The following ATP6V0B variants were observed in gnomAD, a reference collection of about 807,000 sequenced individuals.
ATP6V0B encodes V-type proton ATPase 21 kDa proteolipid subunit c''.
ATP6V0B carries 4 observed loss-of-function variants against 26.2 expected under a neutral mutation model. The ratio of observed to expected loss-of-function variants is 0.15; its 90% CI spans 0.08 to 0.35. The LOEUF is 0.35. Ranked by LOEUF, ATP6V0B falls within the 10% of genes least tolerant of loss-of-function variation. ATP6V0B has a pLI of 1.00. For synonymous variants in ATP6V0B, 110 were observed against 105.8 expected, an observed-to-expected ratio of 1.04 and a Z score of -0.24; for missense variants, 175 against 272.5, an observed-to-expected ratio of 0.64 and a Z score of 2.52.
rs563588526 is a variant in ATP6V0B, at chr1:43,977,009, C to A, written c.401-17C>A. ...ATTCCTGGCTTAGCCTCACTGCACC[C>A]CTCTCTATCCTCCCAGGCTACTCCA... On this transcript the variant is annotated splice_polypyrimidine_tract_variant and intron_variant, in intron 6 of 7. Transcript: ENST00000472174. The A allele has an allele frequency of 2.5e-6, 4 of 1,601,168 alleles. No homozygotes were observed. The Admixed American group carries it at 6.7e-5, about 27-fold the overall frequency.
chr1:43,977,368 C>T (rs1158118266), intron 7 of ATP6V0B, 152 bp downstream of exon 7: 2 of 1,534,658 alleles, frequency 1.3e-6, no homozygotes, highest in Non-Finnish European at 1.7e-6. Flanking sequence ...CTGGTTTTCT[C>T]CTACAGGGGC....
chr1:43,974,964 T>A lies in ATP6V0B; in HGVS notation c.-77T>A. 1 of 1,142,186 alleles carries A rather than the reference T, an allele frequency of 8.8e-7. No individual in the cohort carries two copies. The highest frequency in any genetic ancestry group is 1.1e-6 in the Non-Finnish European group (1 of 895,174). The allele number at this position is 1,142,186 out of a possible 1,614,324, so 70.8% of individuals were successfully genotyped here. ...GACGCTGCGGGGCGGGCGGACAGAC[T>A]GCGGGACGGACGGTGGACGCTGGGA... On this transcript the variant is annotated 5_prime_UTR_variant, in exon 1 of 8. Transcript: ENST00000472174.
At chr1:43,977,269 C>A in intron 7 of ATP6V0B, 53 bp downstream of exon 7, 1 of 1,614,122 alleles carries the variant, frequency 6.2e-7, no homozygotes. Context: ...CCTAGCCTTA[C>A]CCTCCTTCTG....
rs1392738413 is a variant in ATP6V0B, at chr1:43,976,127, C to T, written c.154C>T (p.Leu52=). The change falls in exon 3 of 8, where the codon CTG becomes TTG. Residue 52 remains leucine (L), a synonymous_variant. Coordinates refer to ENST00000472174, the MANE Select transcript of ATP6V0B (RefSeq NM_004047.5). The surrounding 1 kb of genome is among the most constrained non-coding windows in gnomAD (Gnocchi z 4.6). ...TETSPFMWSN[L]GIGLAISLSV... is the part of the protein sequence containing the mutation. The stretch of plus-strand genomic sequence containing the variant: ...GACTTCGCCCTTCATGTGGTCCAAC[C>T]TGGGCATTGGCCTAGCTATCTCCCT... The T allele has an allele frequency of 3.1e-6, 5 of 1,614,118 alleles. No homozygotes were observed. The highest frequency in any genetic ancestry group is 3.4e-6 in the Non-Finnish European group (4 of 1,180,024).
At chr1:43,977,916 A>G in intron 7 of ATP6V0B, 65 bp from the exon 8 acceptor site, 12 of 1,614,120 alleles carry the variant, frequency 7.4e-6, no homozygotes, top group East Asian at 6.7e-5. Context: ...GTCATCTTCT[A>G]TCATTTGTCA....
At position 43,978,181 on chromosome 1, in the gene ATP6V0B, C is replaced by CG; in HGVS notation, c.*178dup. 1.1e-6 allele frequency: 1 copy of CG among 900,474 alleles called. No individual in the cohort carries two copies. Among genetic ancestry groups the CG allele is most frequent in the Non-Finnish European group, 1.8e-6 (1 of 569,008 alleles). The allele number at this position is 900,474 out of a possible 1,614,324, so 55.8% of individuals were successfully genotyped here. ...TGCAGTCCAGGCCGAGTCCTCAGTG[C>CG]GGGGAGCAGGCTGCTGCTGCTGACT... On this transcript the variant is annotated 3_prime_UTR_variant, in exon 8 of 8. Transcript: ENST00000472174.
intron 1 of ATP6V0B, 37 bp downstream of exon 1, chr1:43,975,144 G>C: frequency 1.4e-6 from 2 of 1,406,742 alleles, no homozygotes; most frequent in South Asian, 3.1e-5. Context: ...GCAGCATCGC[G>C]GCCGAGCTGG....
chr1:43,977,310 A>G (rs765500181), intron 7 of ATP6V0B, 94 bp downstream of exon 7: 29 of 1,606,812 alleles, frequency 1.8e-5, no homozygotes, highest in East Asian at 4.5e-5. Flanking sequence ...TTCTCTACCT[A>G]TAACTATAGA....
chr1:43,975,053 G>A lies in ATP6V0B; in HGVS notation c.13G>A (p.Ala5Thr). 7.3e-7 allele frequency: 1 copy of A among 1,373,594 alleles called. No homozygotes were observed. The highest frequency in any genetic ancestry group is 9.4e-7 in the Non-Finnish European group (1 of 1,065,500). 85.1% of individuals were successfully genotyped at this position (1,373,594 alleles called of 1,614,324 possible). ...CGCCGTCGCCGCCATGACGGGGCTA[G>A]CACTGCTCTACTCCGGGGTCTTCGT... MTGL[A>T]LLYSGVFVAF... Residue 5 changes from alanine to threonine, a missense_variant, in exon 1 of 8, where the codon GCA becomes ACA. Ala to Thr is a moderately conservative substitution (Grantham distance 58, BLOSUM62 0). This residue lies in a region of ATP6V0B where 75 missense variants were observed against 94.7 expected (regional missense o/e 0.79). Coordinates refer to ENST00000472174, the MANE Select transcript of ATP6V0B (RefSeq NM_004047.5).
At chr1:43,977,669 C>T (rs939682955) in intron 7 of ATP6V0B, 7 of 1,423,754 alleles carry the variant, frequency 4.9e-6, no homozygotes, top group Non-Finnish European at 6.4e-6. Context: ...TGTGTCTAGT[C>T]TGTCTGACAG....
At chr1:43,977,603 C>A (rs1476668793) in intron 7 of ATP6V0B, 3 of 1,419,506 alleles carry the variant, frequency 2.1e-6, no homozygotes, top group Non-Finnish European at 2.7e-6. Flanking sequence ...TCTCTCGGAG[C>A]TATGTGTATC....
chr1:43,975,264 AAGGAGACCCGGATTTC>A (rs1390776352), intron 1 of ATP6V0B, 157 bp downstream of exon 1: 1 of 967,586 alleles, frequency 1.0e-6, no homozygotes, highest in African/African-American at 1.7e-5. Context: ...GACTCCGACA[AAGGAGACCCGGATTTC>A]CAGCTGCTTG....
At chr1:43,975,977 C>A in intron 2 of ATP6V0B, 113 bp from the exon 3 acceptor site, 1 of 1,510,982 alleles carries the variant, frequency 6.6e-7, no homozygotes, top group Non-Finnish European at 9.2e-7. Context: ...AATACGCGGT[C>A]AGTTGTTGCC....
chr1:43,977,666 A>G (rs2085537459), intron 7 of ATP6V0B: 27 of 1,423,856 alleles, frequency 1.9e-5, no homozygotes, highest in Non-Finnish European at 2.3e-5. Context: ...GTGTGTGTCT[A>G]GTCTGTCTGA....
Position 43,976,099 on chromosome 1 carries a change from G to A in ATP6V0B, c.126G>A (p.Thr42=). 3.7e-6 allele frequency: 6 copies of A among 1,614,092 alleles called. No individual in the cohort carries two copies. The highest frequency in any genetic ancestry group is 5.1e-6 in the Non-Finnish European group (6 of 1,179,952). The change falls in exon 3 of 8, where the codon ACG becomes ACA. Residue 42 remains threonine (T), a synonymous_variant. Transcript: ENST00000472174. The surrounding 1 kb of genome is among the most constrained non-coding windows in gnomAD (Gnocchi z 4.6). ...TCTGCTTCCACAACAGGTTCCTGAC[G>A]GAGACTTCGCCCTTCATGTGGTCCA... ...GFRFDVAWFL[T]ETSPFMWSNL...
At chr1:43,975,393 C>A (rs967745298) in intron 1 of ATP6V0B, 1 of 560,544 alleles carries the variant, frequency 1.8e-6, no homozygotes. Flanking sequence ...TCCCCCCTTT[C>A]TTGCTCCTGA....
chr1:43,975,061 C>G lies in ATP6V0B; in HGVS notation c.21C>G (p.Leu7=). ...CCGCCATGACGGGGCTAGCACTGCT[C>G]TACTCCGGGGTCTTCGTGGCCTTCT... MTGLAL[L]YSGVFVAFWA... is the part of the protein sequence containing the mutation. The change falls in exon 1 of 8, where the codon CTC becomes CTG. Residue 7 remains leucine, a synonymous_variant. Transcript: ENST00000472174. 1 of 1,389,328 alleles carries G rather than the reference C, an allele frequency of 7.2e-7. No individual in the cohort carries two copies. The highest frequency in any genetic ancestry group is 9.3e-7 in the Non-Finnish European group (1 of 1,075,098). 86.1% of individuals were successfully genotyped at this position (1,389,328 alleles called of 1,614,324 possible). A position where few individuals can be genotyped will look rare whatever the true frequency, so the allele number is the denominator to read the frequency against.
At position 43,975,025 on chromosome 1, in the gene ATP6V0B, C is replaced by T. The variant is rs2085501090; in HGVS notation, c.-16C>T. On this transcript the variant is annotated 5_prime_UTR_variant, in exon 1 of 8. Transcript: ENST00000472174. Reference sequence around the variant, plus strand: ...GCTCCGGCCCCGCCGTTCCGACCCCCGCCGCCGTCGCCGCCATGACGGGGC... The same window carrying T: ...GCTCCGGCCCCGCCGTTCCGACCCCTGCCGCCGTCGCCGCCATGACGGGGC... 2 of 1,267,790 alleles carry T rather than the reference C, an allele frequency of 1.6e-6. No individual in the cohort carries two copies. The highest frequency in any genetic ancestry group is 1.0e-6 in the Non-Finnish European group (1 of 1,003,166). 78.5% of individuals were successfully genotyped at this position (1,267,790 alleles called of 1,614,324 possible). A position where few individuals can be genotyped will look rare whatever the true frequency, so the allele number is the denominator to read the frequency against.
rs1487310771 is a variant in ATP6V0B at position 43,975,846 on chromosome 1, A to G, written c.114A>G (p.Ala38=). 4 of 1,597,250 alleles carry G rather than the reference A, an allele frequency of 2.5e-6. No individual in the cohort carries two copies. Among genetic ancestry groups the G allele is most frequent in the Non-Finnish European group, 3.4e-6 (4 of 1,170,668 alleles). The part of the protein sequence containing the change: ...IFDLGFRFDV[A]WFLTETSPFM... Reference sequence around the variant, plus strand: ...ATTTGGGCTTCCGCTTTGATGTGGCATGGTAAGGGAGGGCAGGGGGAGGAT... The same window carrying G: ...ATTTGGGCTTCCGCTTTGATGTGGCGTGGTAAGGGAGGGCAGGGGGAGGAT... The change falls in exon 2 of 8, where the codon GCA becomes GCG. Residue 38 remains alanine, a splice_region_variant and synonymous_variant. Transcript: ENST00000472174.
Sources: allele counts gnomAD v4.1 joint callset, GRCh38; gene constraint gnomAD v4.1.1; regional missense constraint gnomAD v4.1.1; non-coding constraint Gnocchi (gnomAD v3.1); transcripts MANE v1.5; gene names NCBI Gene and HGNC (gene_info 2026-07-23, HGNC 2026-07-21).